Variants in WDR19 observed in about 807,000 individuals in gnomAD.
WDR19 encodes the protein WD repeat domain 19.
Under a neutral mutation model 180.0 loss-of-function variants are expected in WDR19, and 121 were observed. The ratio of observed to expected loss-of-function variants is 0.67; its 90% CI spans 0.58 to 0.78. The LOEUF is 0.78. WDR19 is among the 30% of genes least tolerant of loss of function. The pLI, the probability that WDR19 is intolerant of heterozygous loss-of-function variation, is 0.00. For synonymous variants in WDR19, 497 were observed against 540.7 expected (o/e 0.92, Z 1.12); for missense variants, 1,450 against 1,640.7 (o/e 0.88, Z 2.01).
chr4:39,195,659 A>G (rs1726676839), intron 5 of WDR19, among the ~76,000 whole-genome samples: 1 of 152,172 alleles, frequency 6.6e-6, no homozygotes, highest in Non-Finnish European at 1.5e-5. Flanking sequence ...CATCATTGTG[A>G]TGAATGGTAG....
At position 39,228,231 on chromosome 4, in the gene WDR19, A is replaced by AT; in HGVS notation, c.1653dup (p.Pro552SerfsTer8). 6.2e-7 allele frequency: 1 copy of AT among 1,613,162 alleles called. No individual in the cohort carries two copies. Among genetic ancestry groups the AT allele is most frequent in the South Asian group, 1.1e-5 (1 of 90,996 alleles). The stretch of plus-strand genomic sequence containing the variant: ...GTAGGTCAATGACGCTACCTATGAG[A>AT]TTCCAGATTTTTCACCAACCATTAA... On this transcript the variant is annotated frameshift_variant, in exon 16 of 37. Transcript: ENST00000399820. LOFTEE classifies it high-confidence loss of function.
At chr4:39,283,421 GA>G (rs1370559126) in intron 36 of WDR19, among the ~76,000 whole-genome samples, 2 of 151,536 alleles carry the variant, frequency 1.3e-5, no homozygotes, top group Non-Finnish European at 2.9e-5. Flanking sequence ...TTATCAGGCT[GA>G]ATTTAGGTCT....
At chr4:39,219,426 T>A (rs1202511697) in intron 14 of WDR19, among the ~76,000 whole-genome samples, 2 of 152,240 alleles carry the variant, frequency 1.3e-5, no homozygotes, top group East Asian at 1.9e-4. Context: ...ATGTGGCGAA[T>A]GACTGGTACA....
At chr4:39,210,874 C>A (rs1728425210) in intron 9 of WDR19, among the ~76,000 whole-genome samples, 1 of 152,086 alleles carries the variant, frequency 6.6e-6, no homozygotes, top group Non-Finnish European at 1.5e-5. Flanking sequence ...CAGTGGCTCA[C>A]ACCTGTAATC....
At chr4:39,201,973 A>G (rs1727416983) in intron 6 of WDR19, among the ~76,000 whole-genome samples, 1 of 152,190 alleles carries the variant, frequency 6.6e-6, no homozygotes. Context: ...GGCATTCTGA[A>G]GATCACTATG....
intron 10 of WDR19, 128 bp from the exon 11 acceptor site, chr4:39,215,713 C>A: frequency 4.2e-6 from 4 of 943,902 alleles, no homozygotes; most frequent in Non-Finnish European, 5.9e-6. Flanking sequence ...AAAAAAAAAA[C>A]TACTTAAACT....
intron 4 of WDR19, among the ~76,000 whole-genome samples, chr4:39,192,999 G>A (rs1294478918): frequency 6.6e-6 from 1 of 152,020 alleles, no homozygotes; most frequent in Non-Finnish European, 1.5e-5. Flanking sequence ...TGCAAACGGA[G>A]GGAAATCTGA....
chr4:39,216,416 C>T (rs1332005609), intron 12 of WDR19, among the ~76,000 whole-genome samples: 1 of 152,194 alleles, frequency 6.6e-6, no homozygotes, highest in Non-Finnish European at 1.5e-5. Context: ...GTGAAGGCAG[C>T]ATAGCATAGT....
intron 26 of WDR19, among the ~76,000 whole-genome samples, chr4:39,254,793 C>T (rs1733591148): frequency 6.6e-6 from 1 of 152,122 alleles, no homozygotes; most frequent in African/African-American, 2.4e-5. Flanking sequence ...TGCCCTCTTT[C>T]CCCCAGACCC....
chr4:39,218,268 T>G, intron 14 of WDR19, 163 bp downstream of exon 14: 1 of 903,540 alleles, frequency 1.1e-6, no homozygotes, highest in Non-Finnish European at 1.7e-6. Flanking sequence ...CTCTTTGCAG[T>G]GGGGATACAT....
At chr4:39,281,711 A>G (rs191992721) in intron 36 of WDR19, among the ~76,000 whole-genome samples, 1 of 152,290 alleles carries the variant, frequency 6.6e-6, no homozygotes. Context: ...CACATTTATT[A>G]TCTCACAATT....
At position 39,217,183 on chromosome 4, in the gene WDR19, T is replaced by G; in HGVS notation, c.1299T>G (p.Ile433Met). The G allele has an allele frequency of 6.2e-7, 1 of 1,609,222 alleles. No homozygotes were observed. Among genetic ancestry groups the G allele is most frequent in the Non-Finnish European group, 8.5e-7 (1 of 1,177,884 alleles). ...AGTATCTGGGAACAGTAGCCAGTAT[T>G]TGCCTTCATTCTGACTATGCTGCTG... ...DMEYLGTVASICLHSDYAAAL... is the reference protein window; with the variant it reads ...DMEYLGTVASMCLHSDYAAAL... The change falls in exon 13 of 37, where the codon ATT becomes ATG. Residue 433 changes from isoleucine to methionine, a missense_variant. By Grantham distance (10) the Ile-to-Met change is conservative. Coordinates refer to ENST00000399820, the MANE Select transcript of WDR19 (RefSeq NM_025132.4).
intron 14 of WDR19, chr4:39,218,546 G>A (rs79454599): frequency 6.5e-6 from 1 of 153,950 alleles, no homozygotes; most frequent in African/African-American, 2.4e-5. Flanking sequence ...ACCATGACAG[G>A]AGCTTGCAGG....
Position 39,231,243 on chromosome 4 carries a change from C to T in WDR19, c.1983-554C>T, listed in dbSNP as rs115974671. Among the ~76,000 whole-genome samples the T allele has an allele frequency of 1.7e-3, 255 of 147,726 alleles. 1 individual carries two copies. Among genetic ancestry groups the T allele is most frequent in the African/African-American group, 6.2e-3 (243 of 39,448 alleles). The stretch of plus-strand genomic sequence containing the variant: ...GGAGAATAACTTGAACCCAGGAGGC[C>T]GAGGTTGCAGTTAGGTGAGATCACG... On this transcript the variant is annotated intron_variant, in intron 17 of 36. Coordinates refer to ENST00000399820, the MANE Select transcript of WDR19 (RefSeq NM_025132.4).
intron 24 of WDR19, among the ~76,000 whole-genome samples, chr4:39,251,037 G>A (rs1438415434): frequency 1.3e-5 from 2 of 152,018 alleles, no homozygotes; most frequent in Non-Finnish European, 2.9e-5. Context: ...CCAAAAAAGA[G>A]CTTGCATCGC....
intron 29 of WDR19, 47 bp from the exon 30 acceptor site, chr4:39,267,948 C>A: frequency 6.5e-7 from 1 of 1,528,444 alleles, no homozygotes. Context: ...GTAATCTCCC[C>A]TTAGCTAATG....
At chr4:39,275,380 T>C in intron 33 of WDR19, 1 of 257,324 alleles carries the variant, frequency 3.9e-6, no homozygotes, top group Non-Finnish European at 7.6e-6. Context: ...ATTAGGATTG[T>C]ATTTAGCTCT....
At position 39,219,927 on chromosome 4, in the gene WDR19, A is replaced by C. The variant is rs1328366875; in HGVS notation, c.1479+1822A>C. ...TAGAAAATGCTTTGTTTTCCACTTTAGCAAAATAGTGGCCGGTGCAGTAGC... is the reference window on the plus strand; with the variant it reads ...TAGAAAATGCTTTGTTTTCCACTTTCGCAAAATAGTGGCCGGTGCAGTAGC... On this transcript the variant is annotated intron_variant, in intron 14 of 36. Coordinates refer to ENST00000399820, the MANE Select transcript of WDR19 (RefSeq NM_025132.4). 2.0e-5 allele frequency among the ~76,000 whole-genome samples: 3 copies of C among 152,196 alleles called. No individual in the cohort carries two copies. The East Asian group carries it at 5.8e-4, about 29-fold the overall frequency.
At chr4:39,256,349 A>G (rs531356124) in intron 27 of WDR19, among the ~76,000 whole-genome samples, 37 of 152,246 alleles carry the variant, frequency 2.4e-4, no homozygotes, top group Non-Finnish European at 4.8e-4. Context: ...GGCAGGGGTT[A>G]CAGTGTCCAA....
Sources: gnomAD v4.1 joint callset for allele counts (sites outside exome capture counted in the v4.1 genomes callset) on GRCh38, gnomAD v4.1.1 for gene constraint, MANE v1.5 for transcripts, NCBI Gene and HGNC (gene_info 2026-07-23, HGNC 2026-07-21) for gene names.